The following SLC19A3 variants were observed in gnomAD, a reference collection of about 807,000 sequenced individuals.
The protein encoded by SLC19A3 is solute carrier family 19 member 3.
In SLC19A3, 31 loss-of-function variants were observed where a neutral mutation model predicts 40.2. That is an observed-to-expected ratio of 0.77 (90% CI 0.58 to 1.04). The LOEUF is 1.04. SLC19A3 is among the 50% of genes least tolerant of loss of function. The pLI is 0.00. For missense variants in SLC19A3, 592 were observed against 596.7 expected, an observed-to-expected ratio of 0.99 and a Z score of 0.08; for synonymous variants, 212 against 227.5, an observed-to-expected ratio of 0.93 and a Z score of 0.61.
In SLC19A3 at chr2:227,709,780, T is replaced by A. The variant is rs979506632; in HGVS notation, c.-2-7460A>T. Among the ~76,000 whole-genome samples, 3 of 152,092 alleles carry A rather than the reference T, an allele frequency of 2.0e-5. No homozygotes were observed. The East Asian group carries it at 5.8e-4, about 29-fold the overall frequency. ...AAGATATTGGGTGGGTGGAAAGAAA[T>A]CACTTTATCAAGTCCTCGTCCATGT... On this transcript the variant is annotated intron_variant, in intron 1 of 5. Coordinates refer to ENST00000644224, the MANE Select transcript of SLC19A3 (RefSeq NM_025243.4).
chr2:227,699,145 T>C lies in SLC19A3; in HGVS notation c.570A>G (p.Leu190=). 1 of 1,613,944 alleles carries C rather than the reference T, an allele frequency of 6.2e-7. No homozygotes were observed. The highest frequency in any genetic ancestry group is 1.1e-5 in the South Asian group (1 of 91,070). The change falls in exon 3 of 6, where the codon CTA becomes CTG. Residue 190 remains leucine (L), a synonymous_variant. Transcript: ENST00000644224. The part of the protein sequence containing the change: ...VSVAFLFSLF[L]PMPKKSMFFH... ...AAAACATGCTTTTCTTGGGCATTGG[T>C]AGGAAAAGTGAGAAAAGGAAAGCCA...
At position 227,695,885 on chromosome 2, in the gene SLC19A3, T is replaced by C; in HGVS notation, c.1172+4A>G. On this transcript the variant is annotated splice_donor_region_variant and intron_variant, in intron 4 of 5. Transcript: ENST00000644224. The stretch of plus-strand genomic sequence containing the variant: ...CAGTTTTAGGAGTGGTTGGTAAAAC[T>C]TACACTGCTATGGTTATAAGAAGCA... 1 of 1,613,754 alleles carries C rather than the reference T, an allele frequency of 6.2e-7. No individual in the cohort carries two copies.
chr2:227,694,306 C>A (rs890457586), intron 4 of SLC19A3, among the ~76,000 whole-genome samples: 1 of 151,806 alleles, frequency 6.6e-6, no homozygotes, highest in Non-Finnish European at 1.5e-5. Flanking sequence ...TGTGCCCAGC[C>A]GTGAATATTT....
intron 1 of SLC19A3, among the ~76,000 whole-genome samples, chr2:227,709,918 A>T (rs796933580): frequency 1.4e-4 from 21 of 152,020 alleles, no homozygotes; most frequent in African/African-American, 4.6e-4. Flanking sequence ...ATGGAAGACA[A>T]TTTTTCCATG....
Position 227,698,897 on chromosome 2 carries a change from T to C in SLC19A3, c.818A>G (p.Tyr273Cys). ...CCAGTAGAAAAGACGTTTTGAGGAGTAGCACTCCTTCAAATCTTGGAACCA... is the reference window on the plus strand; with the variant it reads ...CCAGTAGAAAAGACGTTTTGAGGAGCAGCACTCCTTCAAATCTTGGAACCA... Reference protein sequence around the residue: ...VQWFQDLKECYSSKRLFYWSL... With the variant: ...VQWFQDLKECCSSKRLFYWSL... The change falls in exon 3 of 6, where the codon TAC (tyrosine) becomes TGC (cysteine). Residue 273 changes from tyrosine (Y) to cysteine (C), a missense_variant. Physicochemically the swap from Tyr to Cys is radical, Grantham distance 194 (BLOSUM62 -2). Transcript: ENST00000644224. 2.5e-6 allele frequency: 4 copies of C among 1,613,870 alleles called. No individual in the cohort carries two copies. The highest frequency in any genetic ancestry group is 2.5e-6 in the Non-Finnish European group (3 of 1,179,920).
At chr2:227,689,083 C>A (rs562014772) in intron 4 of SLC19A3, among the ~76,000 whole-genome samples, 1 of 151,698 alleles carries the variant, frequency 6.6e-6, no homozygotes, top group Non-Finnish European at 1.5e-5. Context: ...AGTCAGGAGA[C>A]AACAGAAAAA....
In SLC19A3 at chr2:227,685,869, A is replaced by C. The variant is rs1694996373; in HGVS notation, c.*1528T>G. On this transcript the variant is annotated 3_prime_UTR_variant, in exon 6 of 6. Transcript: ENST00000644224. ...GTTAACAACTCTTTAAAATTTTTACACATTTTATTTAGCACAATTGCTACC... is the reference window on the plus strand; with the variant it reads ...GTTAACAACTCTTTAAAATTTTTACCCATTTTATTTAGCACAATTGCTACC... 1 of 162,084 alleles carries C rather than the reference A, an allele frequency of 6.2e-6. No homozygotes were observed. Among genetic ancestry groups the C allele is most frequent in the Non-Finnish European group, 1.4e-5 (1 of 73,804 alleles). The allele number at this position is 162,084 out of a possible 1,614,324, so 10.0% of individuals were successfully genotyped here. A position where few individuals can be genotyped will look rare whatever the true frequency, so the allele number is the denominator to read the frequency against.
chr2:227,689,354 C>T (rs1574543672), intron 4 of SLC19A3, among the ~76,000 whole-genome samples: 1 of 152,006 alleles, frequency 6.6e-6, no homozygotes, highest in Non-Finnish European at 1.5e-5. Flanking sequence ...AGAAAGGATT[C>T]TAAAAGGAGC....
At chr2:227,694,569 T>C (rs555894484) in intron 4 of SLC19A3, among the ~76,000 whole-genome samples, 1 of 152,230 alleles carries the variant, frequency 6.6e-6, no homozygotes, top group African/African-American at 2.4e-5. Flanking sequence ...ACTTCTTTCA[T>C]GCAATTTGAA....
intron 1 of SLC19A3, among the ~76,000 whole-genome samples, chr2:227,704,987 TCTC>T (rs1458163457): frequency 6.6e-6 from 1 of 151,684 alleles, no homozygotes; most frequent in Non-Finnish European, 1.5e-5. Flanking sequence ...TTCAAGTGAT[TCTC>T]CTGCCTCAGC....
At chr2:227,690,706 C>CAAAAAAAAAAAAAAAAA (rs34163746) in intron 4 of SLC19A3, among the ~76,000 whole-genome samples, 6 of 39,166 alleles carry the variant, frequency 1.5e-4, no homozygotes, top group African/African-American at 5.7e-4. Flanking sequence ...GACTCCATCT[C>CAAAAAAAAAAAAAAAAA]AAAAAAAAAA....
In SLC19A3 at chr2:227,698,793, G is replaced by A; in HGVS notation, c.922C>T (p.Pro308Ser). ...YVQILWDYKAPSQDSSIYNGA... is the reference protein window; with the variant it reads ...YVQILWDYKASSQDSSIYNGA... ...TTATAGATGGAAGAATCTTGGGATG[G>A]CGCCTTGTAATCCCACAGGATTTGA... The change falls in exon 3 of 6, where the codon CCA becomes TCA. Residue 308 changes from proline to serine, a missense_variant. Physicochemically the swap from Pro to Ser is moderately conservative, Grantham distance 74. Coordinates refer to ENST00000644224, the MANE Select transcript of SLC19A3 (RefSeq NM_025243.4). 6.2e-7 allele frequency: 1 copy of A among 1,614,184 alleles called. No individual in the cohort carries two copies. The highest frequency in any genetic ancestry group is 1.1e-5 in the South Asian group (1 of 91,084).
intron 4 of SLC19A3, among the ~76,000 whole-genome samples, chr2:227,689,023 C>A (rs972098646): frequency 1.3e-5 from 2 of 152,008 alleles, no homozygotes; most frequent in East Asian, 3.9e-4. Context: ...CAGAACTGAT[C>A]AAGCAGAAGA....
intron 3 of SLC19A3, among the ~76,000 whole-genome samples, chr2:227,698,033 C>T (rs1479831052): frequency 6.6e-6 from 1 of 151,960 alleles, no homozygotes; most frequent in Non-Finnish European, 1.5e-5. Flanking sequence ...GAGCTGAGAT[C>T]GCACCACTGC....
At chr2:227,696,235 C>A (rs1284596399) in intron 3 of SLC19A3, among the ~76,000 whole-genome samples, 154 bp from the exon 4 acceptor site, 2 of 152,170 alleles carry the variant, frequency 1.3e-5, no homozygotes, top group Non-Finnish European at 2.9e-5. Flanking sequence ...TGGATCTATC[C>A]TTTTCTCAAG....
intron 1 of SLC19A3, among the ~76,000 whole-genome samples, chr2:227,714,269 A>G (rs1331528669): frequency 6.6e-6 from 1 of 152,152 alleles, no homozygotes; most frequent in African/African-American, 2.4e-5. Context: ...TAATAGGAAA[A>G]CTGAACAGGA....
In SLC19A3 at chr2:227,695,772, CA is replaced by C. The variant is rs1194095458; in HGVS notation, c.1172+116del. 3 of 962,554 alleles carry C rather than the reference CA, an allele frequency of 3.1e-6. No homozygotes were observed. The African/African-American group carries it at 4.8e-5, about 16-fold the overall frequency. The allele number at this position is 962,554 out of a possible 1,614,324, so 59.6% of individuals were successfully genotyped here. On this transcript the variant is annotated intron_variant, in intron 4 of 5. Coordinates refer to ENST00000644224, the MANE Select transcript of SLC19A3 (RefSeq NM_025243.4). ...TAGTTGTGTCTAATTTAATATAAAGCAGTCAACATTTAATATTGCAATTGAC... is the reference window on the plus strand; with the variant it reads ...TAGTTGTGTCTAATTTAATATAAAGCGTCAACATTTAATATTGCAATTGAC...
Position 227,686,651 on chromosome 2 carries a change from G to T in SLC19A3, c.*746C>A, listed in dbSNP as rs2106316380. ...GCATTAACACCTGTCTATGGTGGTGGAGAGAAGGCTCACTGCCTCTCCCAG... is the reference window on the plus strand; with the variant it reads ...GCATTAACACCTGTCTATGGTGGTGTAGAGAAGGCTCACTGCCTCTCCCAG... On this transcript the variant is annotated 3_prime_UTR_variant, in exon 6 of 6. Coordinates refer to ENST00000644224, the MANE Select transcript of SLC19A3 (RefSeq NM_025243.4). The T allele has an allele frequency of 6.6e-6, 1 of 152,282 alleles. No individual in the cohort carries two copies. The highest frequency in any genetic ancestry group is 2.1e-4 in the South Asian group (1 of 4,830). The allele number at this position is 152,282 out of a possible 1,614,324, so 9.4% of individuals were successfully genotyped here.
chr2:227,718,001 C>T lies in SLC19A3; in HGVS notation c.-61G>A. The T allele has an allele frequency of 1.0e-6, 1 of 985,176 alleles. No individual in the cohort carries two copies. Among genetic ancestry groups the T allele is most frequent in the Non-Finnish European group, 1.2e-6 (1 of 829,724 alleles). 61.0% of individuals were successfully genotyped at this position (985,176 alleles called of 1,614,324 possible). A position where few individuals can be genotyped will look rare whatever the true frequency, so the allele number is the denominator to read the frequency against. ...CACTTGCCGCACGACCACGCACCCG[C>T]GGCTGTCGGATGGATCCAGGCGCTC... On this transcript the variant is annotated 5_prime_UTR_variant, in exon 1 of 6. Coordinates refer to ENST00000644224, the MANE Select transcript of SLC19A3 (RefSeq NM_025243.4).
Sources: allele counts gnomAD v4.1 joint callset (sites outside exome capture counted in the v4.1 genomes callset), GRCh38; gene constraint gnomAD v4.1.1; transcripts MANE v1.5; gene names NCBI Gene and HGNC (gene_info 2026-07-23, HGNC 2026-07-21).